The following ACYP2 variants were observed in gnomAD, a reference collection of about 807,000 sequenced individuals.
ACYP2 encodes the protein acylphosphatase 2, also known as acylphosphatase-2.
A neutral mutation model predicts 11.2 loss-of-function variants in ACYP2; 12 were observed. The ratio of observed to expected loss-of-function variants is 1.08; its 90% CI spans 0.69 to 1.74. The LOEUF (loss-of-function observed/expected upper bound fraction) is 1.74, where lower values mean the gene tolerates loss of function less well. Among genes scored for constraint, ACYP2 ranks in the 40% most tolerant of loss-of-function variants. ACYP2 has a pLI of 0.00. For synonymous variants in ACYP2, 43 were observed against 32.2 expected, an observed-to-expected ratio of 1.33 and a Z score of -1.13; for missense variants, 134 against 101.9, an observed-to-expected ratio of 1.31 and a Z score of -1.35.
intron 4 of ACYP2, among the ~76,000 whole-genome samples, chr2:54,113,414 T>C (rs1377456800): frequency 6.6e-6 from 1 of 152,102 alleles, no homozygotes; most frequent in East Asian, 1.9e-4. Flanking sequence ...AGGTAATTTT[T>C]GTATTTTTTA....
At chr2:54,146,499 C>T (rs1681897929) in intron 6 of ACYP2, among the ~76,000 whole-genome samples, 1 of 151,386 alleles carries the variant, frequency 6.6e-6, no homozygotes, top group African/African-American at 2.4e-5. Flanking sequence ...GGTCTTGAAC[C>T]CCTGGCCTCA....
Position 54,201,682 on chromosome 2 carries a change from C to CTTTCTTTCTTTCTT in ACYP2, c.404+62935_404+62936insTTCTTTCTTTCTTT, listed in dbSNP as rs60217019. 5.5e-3 allele frequency among the ~76,000 whole-genome samples: 614 copies of CTTTCTTTCTTTCTT among 110,752 alleles called. 2 individuals are homozygous for CTTTCTTTCTTTCTT. Among genetic ancestry groups the CTTTCTTTCTTTCTT allele is most frequent in the Non-Finnish European group, 7.4e-3 (396 of 53,856 alleles). The allele number at this position is 110,752 out of a possible 152,430, so 72.7% of individuals were successfully genotyped here. On this transcript the variant is annotated intron_variant, in intron 6 of 6. Transcript: ENST00000607452. ...TCTTTCTTTCTTTCTTTCTTTCTTT[C>CTTTCTTTCTTTCTT]TCTCTCTCTCTCTCTCTTTTTTCTT...
chr2:54,086,437 C>G (rs1294654057), intron 4 of ACYP2, among the ~76,000 whole-genome samples: 1 of 152,092 alleles, frequency 6.6e-6, no homozygotes, highest in Non-Finnish European at 1.5e-5. Flanking sequence ...GTGGCTGTTC[C>G]CTTGGCTCAT....
At chr2:54,270,568 C>T (rs1257834553) in intron 6 of ACYP2, among the ~76,000 whole-genome samples, 1 of 152,074 alleles carries the variant, frequency 6.6e-6, no homozygotes, top group East Asian at 1.9e-4. Context: ...GATCACACAA[C>T]TACACTCCAG....
chr2:54,115,306 T>C, intron 4 of ACYP2: 1 of 475,474 alleles, frequency 2.1e-6, no homozygotes, highest in Non-Finnish European at 3.7e-6. Flanking sequence ...CTTTTATTTG[T>C]CAATTACACT....
rs572439885 is a variant in ACYP2 at position 54,200,953 on chromosome 2, T to C, written c.404+62205T>C. 1.1e-3 allele frequency among the ~76,000 whole-genome samples: 170 copies of C among 152,208 alleles called. 2 individuals are homozygous for C. Among genetic ancestry groups the C allele is most frequent in the African/African-American group, 3.9e-3 (163 of 41,522 alleles). On this transcript the variant is annotated intron_variant, in intron 6 of 6. Transcript: ENST00000607452. ...CTTTTTTATTATAACTATTCTAGAG[T>C]GGTAAGTGGTATCTCATTATGGTTT...
At chr2:54,079,663 C>G (rs923048827) in intron 4 of ACYP2, among the ~76,000 whole-genome samples, 2 of 152,184 alleles carry the variant, frequency 1.3e-5, no homozygotes, top group African/African-American at 4.8e-5. Flanking sequence ...TCAAGTGATT[C>G]CCATAAAACC....
At chr2:54,140,556 A>G (rs1681549841) in intron 6 of ACYP2, among the ~76,000 whole-genome samples, 1 of 151,930 alleles carries the variant, frequency 6.6e-6, no homozygotes, top group Non-Finnish European at 1.5e-5. Flanking sequence ...ACACTTGCAC[A>G]CACACACTTT....
At chr2:54,261,562 T>C (rs1687779051) in intron 6 of ACYP2, among the ~76,000 whole-genome samples, 1 of 152,198 alleles carries the variant, frequency 6.6e-6, no homozygotes, top group Non-Finnish European at 1.5e-5. Flanking sequence ...AAACTCAATA[T>C]TAGATGACTG....
chr2:54,277,673 G>A (rs1484381093), intron 6 of ACYP2, among the ~76,000 whole-genome samples: 5 of 150,556 alleles, frequency 3.3e-5, no homozygotes, highest in African/African-American at 4.9e-5. Flanking sequence ...GAGAGACTCC[G>A]TCTTAAAAAA....
intron 2 of ACYP2, among the ~76,000 whole-genome samples, chr2:54,010,943 A>G (rs1673336953): frequency 6.6e-6 from 1 of 151,856 alleles, no homozygotes; most frequent in South Asian, 2.1e-4. Flanking sequence ...TGCTAGGATT[A>G]CAGACCTGAA....
At chr2:54,097,502 CACA>C (rs1558526629) in intron 4 of ACYP2, among the ~76,000 whole-genome samples, 1 of 152,206 alleles carries the variant, frequency 6.6e-6, no homozygotes, top group African/African-American at 2.4e-5. Context: ...ACAATAACAA[CACA>C]ACAACAGTGT....
chr2:54,169,049 A>G (rs1232721851), intron 6 of ACYP2, among the ~76,000 whole-genome samples: 1 of 152,216 alleles, frequency 6.6e-6, no homozygotes, highest in Non-Finnish European at 1.5e-5. Flanking sequence ...GTGTTACAGA[A>G]GAATTTTTCT....
At chr2:54,026,892 T>G (rs747315241) in intron 2 of ACYP2, among the ~76,000 whole-genome samples, 1 of 151,998 alleles carries the variant, frequency 6.6e-6, no homozygotes, top group Non-Finnish European at 1.5e-5. Flanking sequence ...ACAATGGACT[T>G]TAGGGACTTG....
At chr2:54,183,196 T>A (rs190845602) in intron 6 of ACYP2, among the ~76,000 whole-genome samples, 1 of 152,180 alleles carries the variant, frequency 6.6e-6, no homozygotes, top group African/African-American at 2.4e-5. Flanking sequence ...GGTTTCCATA[T>A]GACTATAAGT....
At chr2:54,071,996 G>A (rs1004496216) in intron 4 of ACYP2, among the ~76,000 whole-genome samples, 1 of 152,066 alleles carries the variant, frequency 6.6e-6, no homozygotes, top group East Asian at 1.9e-4. Flanking sequence ...GGGAGACAGA[G>A]CGAGACTCTG....
intron 3 of ACYP2, among the ~76,000 whole-genome samples, chr2:54,052,070 A>G (rs1026951180): frequency 6.6e-6 from 1 of 151,408 alleles, no homozygotes. Context: ...ATAAATAAAT[A>G]AATAAATAAA....
At chr2:54,068,488 T>C (rs1348972078) in intron 4 of ACYP2, among the ~76,000 whole-genome samples, 2 of 152,158 alleles carry the variant, frequency 1.3e-5, no homozygotes, top group African/African-American at 4.8e-5. Context: ...GGGATGGCCA[T>C]TGCTTTCGAC....
chr2:53,991,062 C>T (rs1672267667), intron 2 of ACYP2, among the ~76,000 whole-genome samples: 1 of 152,198 alleles, frequency 6.6e-6, no homozygotes, highest in African/African-American at 2.4e-5. Flanking sequence ...TCCCAAAGTG[C>T]TGGGATTACA....
Sources: allele counts gnomAD v4.1 joint callset (sites outside exome capture counted in the v4.1 genomes callset), GRCh38; gene constraint gnomAD v4.1.1; transcripts MANE v1.5; gene names NCBI Gene and HGNC (gene_info 2026-07-23, HGNC 2026-07-21).